The following TRIQK variants were observed in gnomAD, a reference collection of about 807,000 sequenced individuals.
TRIQK encodes triple QxxK/R motif-containing protein.
A neutral mutation model predicts 10.8 loss-of-function variants in TRIQK; 10 were observed. That is an observed-to-expected ratio of 0.92 (90% CI 0.57 to 1.57). TRIQK has a LOEUF of 1.57. TRIQK is among the 40% of genes most tolerant of loss of function. The pLI, the probability that TRIQK is intolerant of heterozygous loss-of-function variation, is 0.00. For missense variants in TRIQK, 107 were observed against 97.7 expected (o/e 1.09, Z -0.40); for synonymous variants, 33 against 33.7 (o/e 0.98, Z 0.07).
chr8:92,916,991 T>G lies in TRIQK; in HGVS notation c.-2A>C, dbSNP rs182977030. Reference sequence around the variant, plus strand: ...AGTAGCAGCATCTTTTCTACCCATCTTTGATCTCCAAAATGCCTGCTGAAA... The same window carrying G: ...AGTAGCAGCATCTTTTCTACCCATCGTTGATCTCCAAAATGCCTGCTGAAA... On this transcript the variant is annotated 5_prime_UTR_variant, in exon 3 of 5. Coordinates refer to ENST00000521988, the MANE Select transcript of TRIQK (RefSeq NM_001171797.2). 6.7e-7 allele frequency: 1 copy of G among 1,502,318 alleles called. No homozygotes were observed. The highest frequency in any genetic ancestry group is 2.2e-5 in the Admixed American group (1 of 45,384). The allele number at this position is 1,502,318 out of a possible 1,614,324, so 93.1% of individuals were successfully genotyped here. A position where few individuals can be genotyped will look rare whatever the true frequency, so the allele number is the denominator to read the frequency against.
rs534278320 is a variant in TRIQK at position 92,907,715 on chromosome 8, T to G, written c.61+9214A>C. On this transcript the variant is annotated intron_variant, in intron 3 of 4. Coordinates refer to ENST00000521988, the MANE Select transcript of TRIQK (RefSeq NM_001171797.2). Reference sequence around the variant, plus strand: ...AAAAGCCATTTTAAGTTATAATTTCTAATTAGTAGATATTATCTGTGTTAA... The same window carrying G: ...AAAAGCCATTTTAAGTTATAATTTCGAATTAGTAGATATTATCTGTGTTAA... Among the ~76,000 whole-genome samples the G allele has an allele frequency of 3.3e-5, 5 of 152,186 alleles. No individual in the cohort carries two copies. In the South Asian group the frequency reaches 1.0e-3, roughly 32 times the overall value.
At chr8:92,920,842 C>T (rs1159098963) in intron 2 of TRIQK, among the ~76,000 whole-genome samples, 1 of 151,638 alleles carries the variant, frequency 6.6e-6, no homozygotes, top group South Asian at 2.1e-4. Flanking sequence ...ACTTTTGGGC[C>T]TCTACATTTA....
At chr8:92,931,325 AT>A (rs1394755048) in intron 2 of TRIQK, among the ~76,000 whole-genome samples, 1 of 152,166 alleles carries the variant, frequency 6.6e-6, no homozygotes, top group African/African-American at 2.4e-5. Flanking sequence ...AGTTGCCAAA[AT>A]TTGGTAGTTT....
At chr8:93,002,960 A>G in intron 1 of TRIQK, among the ~76,000 whole-genome samples, 1 of 151,886 alleles carries the variant, frequency 6.6e-6, no homozygotes, top group East Asian at 1.9e-4. Context: ...AGAAGAGAAT[A>G]CTTCCAAGCT....
chr8:92,946,669 T>C (rs532214889), intron 2 of TRIQK, among the ~76,000 whole-genome samples: 5 of 152,200 alleles, frequency 3.3e-5, no homozygotes, highest in Non-Finnish European at 5.9e-5. Context: ...TTTTTCACAT[T>C]ACTAGCCATA....
chr8:93,014,065 T>C (rs1370869984), intron 1 of TRIQK, among the ~76,000 whole-genome samples: 1 of 152,142 alleles, frequency 6.6e-6, no homozygotes, highest in Non-Finnish European at 1.5e-5. Context: ...GCTACAATTA[T>C]ACATAAAAAA....
intron 3 of TRIQK, among the ~76,000 whole-genome samples, chr8:92,899,094 C>T (rs1808783568): frequency 6.6e-6 from 1 of 150,808 alleles, no homozygotes; most frequent in Non-Finnish European, 1.5e-5. Context: ...TCTGATTCTC[C>T]TGCCTCAGCC....
intron 1 of TRIQK, among the ~76,000 whole-genome samples, chr8:92,956,375 T>A (rs770096993): frequency 2.6e-5 from 4 of 151,654 alleles, no homozygotes; most frequent in Non-Finnish European, 5.9e-5. Flanking sequence ...TAGTGGTTGC[T>A]TAAGGGTGCA....
intron 1 of TRIQK, among the ~76,000 whole-genome samples, chr8:93,006,882 G>A (rs1021828912): frequency 2.6e-5 from 4 of 152,188 alleles, no homozygotes; most frequent in Non-Finnish European, 5.9e-5. Flanking sequence ...TAGCAGCAGG[G>A]GTGGCCACGG....
chr8:92,906,850 GCCACTACACT>G (rs1259072204), intron 3 of TRIQK, among the ~76,000 whole-genome samples: 1 of 151,170 alleles, frequency 6.6e-6, no homozygotes, highest in East Asian at 1.9e-4. Flanking sequence ...CTGAGATAGC[GCCACTACACT>G]CCAGCCTGGG....
chr8:92,989,902 T>G (rs563203884), intron 1 of TRIQK, among the ~76,000 whole-genome samples: 3 of 152,088 alleles, frequency 2.0e-5, no homozygotes, highest in Admixed American at 1.3e-4. Flanking sequence ...TACAGAAACC[T>G]CATTTGTTTA....
intron 2 of TRIQK, among the ~76,000 whole-genome samples, chr8:92,948,479 T>C (rs1251186223): frequency 1.3e-5 from 2 of 152,232 alleles, no homozygotes; most frequent in Admixed American, 6.5e-5. Flanking sequence ...AGATTATCAT[T>C]TCATTGCAAC....
chr8:92,916,126 A>G (rs185966775), intron 3 of TRIQK, among the ~76,000 whole-genome samples: 80 of 152,272 alleles, frequency 5.3e-4, no homozygotes, highest in African/African-American at 1.9e-3. Flanking sequence ...TTTTGCTTCT[A>G]ACTAATTTCT....
chr8:92,978,367 A>G (rs1265268244), intron 1 of TRIQK, among the ~76,000 whole-genome samples: 2 of 152,130 alleles, frequency 1.3e-5, no homozygotes, highest in Non-Finnish European at 2.9e-5. Context: ...CCTGAAAACC[A>G]TTGTTTAATA....
At chr8:92,925,199 C>A (rs1810385586) in intron 2 of TRIQK, among the ~76,000 whole-genome samples, 1 of 152,008 alleles carries the variant, frequency 6.6e-6, no homozygotes, top group African/African-American at 2.4e-5. Flanking sequence ...AAAAACAAAA[C>A]AAACAACCAA....
At chr8:92,909,957 T>C (rs1809485969) in intron 3 of TRIQK, among the ~76,000 whole-genome samples, 1 of 151,524 alleles carries the variant, frequency 6.6e-6, no homozygotes, top group Non-Finnish European at 1.5e-5. Flanking sequence ...CATGTTTCAG[T>C]AAGTATTCAA....
chr8:92,950,507 T>C (rs557237254), intron 2 of TRIQK, among the ~76,000 whole-genome samples: 63 of 152,220 alleles, frequency 4.1e-4, no homozygotes, highest in African/African-American at 1.5e-3. Flanking sequence ...CAATTCTTTA[T>C]TCTGTATTCT....
intron 3 of TRIQK, among the ~76,000 whole-genome samples, chr8:92,899,060 C>G (rs1012774479): frequency 6.7e-6 from 1 of 148,618 alleles, no homozygotes; most frequent in African/African-American, 2.5e-5. Flanking sequence ...GGCACAATCT[C>G]GTCTCATTGT....
At chr8:92,923,018 T>C (rs1029725049) in intron 2 of TRIQK, among the ~76,000 whole-genome samples, 3 of 151,818 alleles carry the variant, frequency 2.0e-5, no homozygotes, top group Admixed American at 2.0e-4. Flanking sequence ...TTACTTACAT[T>C]TTATTAGCTG....
Sources: allele counts gnomAD v4.1 joint callset (sites outside exome capture counted in the v4.1 genomes callset), GRCh38; gene constraint gnomAD v4.1.1; transcripts MANE v1.5; gene names NCBI Gene and HGNC (gene_info 2026-07-23, HGNC 2026-07-21).